Variants in NAALADL2 observed in about 807,000 individuals in gnomAD.
NAALADL2 encodes N-acetylated alpha-linked acidic dipeptidase like 2, also known as inactive N-acetylated-alpha-linked acidic dipeptidase-like protein 2.
Under a neutral mutation model 87.2 loss-of-function variants are expected in NAALADL2, and 76 were observed. The observed-to-expected ratio is 0.87, with a 90% CI of 0.72 to 1.05. NAALADL2 has a LOEUF of 1.05. NAALADL2 is among the 50% of genes least tolerant of loss of function. The pLI is 0.00. For synonymous variants in NAALADL2, 354 were observed against 331.0 expected, an observed-to-expected ratio of 1.07 and a Z score of -0.75; for missense variants, 1,089 against 945.8, an observed-to-expected ratio of 1.15 and a Z score of -1.99.
intron 11 of NAALADL2, among the ~76,000 whole-genome samples, chr3:175,630,112 A>G (rs2149723922): frequency 6.6e-6 from 1 of 151,886 alleles, no homozygotes; most frequent in South Asian, 2.1e-4. Flanking sequence ...TGTTGGAAGC[A>G]TTGATCAAGG....
intron 11 of NAALADL2, among the ~76,000 whole-genome samples, chr3:175,643,319 TTGTACA>T (rs1250256346): frequency 6.6e-6 from 1 of 152,258 alleles, no homozygotes; most frequent in Non-Finnish European, 1.5e-5. Context: ...AAGAGTATTC[TTGTACA>T]TGTCCCTGGT....
At chr3:174,893,803 AAAGAG>A (rs1322430085) in intron 1 of NAALADL2, among the ~76,000 whole-genome samples, 9 of 152,304 alleles carry the variant, frequency 5.9e-5, no homozygotes, top group African/African-American at 2.2e-4. Flanking sequence ...ATGAAAGAGG[AAAGAG>A]AAGACCACAA....
At chr3:175,246,857 G>C (rs951945391) in intron 3 of NAALADL2, among the ~76,000 whole-genome samples, 1 of 152,062 alleles carries the variant, frequency 6.6e-6, no homozygotes, top group Non-Finnish European at 1.5e-5. Flanking sequence ...AAAAGCAAGA[G>C]AAAAGATATG....
intron 4 of NAALADL2, among the ~76,000 whole-genome samples, chr3:175,323,642 G>A (rs1760245386): frequency 6.8e-6 from 1 of 147,690 alleles, no homozygotes. Flanking sequence ...TGCTGGTAGA[G>A]ATAGAGAAAA....
chr3:175,676,779 A>G (rs1447356532), intron 11 of NAALADL2: 9 of 152,134 alleles, frequency 5.9e-5, no homozygotes, highest in Admixed American at 5.9e-4. Context: ...ATCAAAACCT[A>G]TATCCTGGCC....
chr3:174,988,980 G>A (rs1746350282), intron 1 of NAALADL2, among the ~76,000 whole-genome samples: 1 of 152,176 alleles, frequency 6.6e-6, no homozygotes. Flanking sequence ...TCTAGTGAGA[G>A]CCTCAAGCTC....
At chr3:174,897,264 C>T (rs1275483816) in intron 1 of NAALADL2, among the ~76,000 whole-genome samples, 3 of 151,870 alleles carry the variant, frequency 2.0e-5, no homozygotes, top group African/African-American at 7.3e-5. Flanking sequence ...TACAAATTAC[C>T]CCTCTGACAA....
chr3:174,674,759 T>A (rs1398453849), intron 2 of NAALADL2, among the ~76,000 whole-genome samples: 1 of 152,054 alleles, frequency 6.6e-6, no homozygotes, highest in African/African-American at 2.4e-5. Flanking sequence ...TCACTCTTTG[T>A]ATGTTTTTTT....
intron 1 of NAALADL2, among the ~76,000 whole-genome samples, chr3:175,048,536 C>G (rs1754969504): frequency 7.0e-6 from 1 of 143,456 alleles, no homozygotes; most frequent in South Asian, 2.2e-4. Flanking sequence ...GTGGTGAAGT[C>G]AAAGTAAGCA....
At chr3:175,414,977 G>C (rs989935094) in intron 5 of NAALADL2, among the ~76,000 whole-genome samples, 1 of 152,090 alleles carries the variant, frequency 6.6e-6, no homozygotes, top group East Asian at 1.9e-4. Flanking sequence ...CTGATCAAAA[G>C]AAAACACTTT....
At chr3:175,348,768 G>A (rs1763426255) in intron 5 of NAALADL2, among the ~76,000 whole-genome samples, 1 of 152,152 alleles carries the variant, frequency 6.6e-6, no homozygotes, top group African/African-American at 2.4e-5. Flanking sequence ...CATCTGCAAA[G>A]ACTCTTTTTC....
chr3:175,415,623 C>A (rs1560514948), intron 5 of NAALADL2, among the ~76,000 whole-genome samples: 1 of 151,898 alleles, frequency 6.6e-6, no homozygotes, highest in Admixed American at 6.6e-5. Context: ...AATACTCAGC[C>A]TTGAAATAAT....
intron 10 of NAALADL2, among the ~76,000 whole-genome samples, chr3:175,607,898 A>AACACACACAC (rs759390811): frequency 1.8e-5 from 2 of 109,442 alleles, no homozygotes; most frequent in African/African-American, 5.6e-5. Flanking sequence ...GGTGACATGG[A>AACACACACAC]ACACACACAC....
At chr3:175,698,291 ATACATATATATGTGTATATATGTATGTG>A (rs1560994415) in intron 11 of NAALADL2, among the ~76,000 whole-genome samples, 3 of 94,082 alleles carry the variant, frequency 3.2e-5, no homozygotes, top group African/African-American at 1.5e-4. Flanking sequence ...ATATGTATGT[ATACATATATATGTGTATATATGTATGTG>A]TATTTATGTA....
intron 13 of NAALADL2, chr3:175,773,531 G>T (rs1749790982): frequency 6.6e-6 from 1 of 152,020 alleles, no homozygotes. Flanking sequence ...TAATTTGATT[G>T]CAGTGTTCAG....
intron 1 of NAALADL2, among the ~76,000 whole-genome samples, chr3:174,862,629 G>A (rs1385785025): frequency 2.0e-5 from 3 of 152,136 alleles, no homozygotes; most frequent in African/African-American, 7.2e-5. Context: ...TTCATCTTTA[G>A]TCGAAATATA....
chr3:175,210,969 C>G (rs1437996945), intron 2 of NAALADL2, among the ~76,000 whole-genome samples: 2 of 151,566 alleles, frequency 1.3e-5, no homozygotes, highest in South Asian at 2.1e-4. Flanking sequence ...TCAATAAGAC[C>G]TAATGTTTTC....
intron 2 of NAALADL2, among the ~76,000 whole-genome samples, chr3:174,737,098 C>A (rs1342047635): frequency 1.3e-5 from 2 of 152,228 alleles, no homozygotes; most frequent in African/African-American, 4.8e-5. Flanking sequence ...GTTCCTGGCT[C>A]CTGCCAGGCC....
chr3:175,125,588 T>C (rs1054129086), intron 2 of NAALADL2, among the ~76,000 whole-genome samples: 1 of 152,044 alleles, frequency 6.6e-6, no homozygotes, highest in Non-Finnish European at 1.5e-5. Flanking sequence ...ATAATTGATA[T>C]AAGAATACTT....
Sources: allele counts gnomAD v4.1 joint callset (sites outside exome capture counted in the v4.1 genomes callset), GRCh38; gene constraint gnomAD v4.1.1; transcripts MANE v1.5; gene names NCBI Gene and HGNC (gene_info 2026-07-23, HGNC 2026-07-21).